Variants in TDRD1 observed in about 807,000 individuals in gnomAD.
TDRD1 encodes tudor domain-containing protein 1.
A neutral mutation model predicts 140.6 loss-of-function variants in TDRD1; 37 were observed. The ratio of observed to expected loss-of-function variants is 0.26; its 90% CI spans 0.20 to 0.35. The LOEUF (loss-of-function observed/expected upper bound fraction) is 0.35. TDRD1 is among the 10% of genes least tolerant of loss of function. The pLI is 1.00. For synonymous variants in TDRD1, 506 were observed against 475.7 expected (o/e 1.06, Z -0.83); for missense variants, 1,243 against 1,393.0 (o/e 0.89, Z 1.71).
chr10:114,192,528 C>A (rs2034057947), intron 3 of TDRD1, among the ~76,000 whole-genome samples: 1 of 151,702 alleles, frequency 6.6e-6, no homozygotes, highest in African/African-American at 2.4e-5. Context: ...GGATGGTCTC[C>A]ATCTCCTGAC....
chr10:114,204,971 C>T, intron 10 of TDRD1, 78 bp downstream of exon 10: 1 of 1,317,074 alleles, frequency 7.6e-7, no homozygotes, highest in Non-Finnish European at 1.0e-6. Context: ...ACGGAAACAT[C>T]AAGTGAGGCC....
At chr10:114,224,333 TTTCTGGAACTGTTAGTA>T (rs1213093863) in intron 21 of TDRD1, among the ~76,000 whole-genome samples, 3 of 152,238 alleles carry the variant, frequency 2.0e-5, no homozygotes, top group African/African-American at 7.2e-5. Context: ...TTTTTCCGCC[TTTCTGGAACTGTTAGTA>T]TTCTCACCTG....
chr10:114,184,082 A>G (rs374069848), intron 1 of TDRD1, among the ~76,000 whole-genome samples: 26 of 152,212 alleles, frequency 1.7e-4, no homozygotes, highest in African/African-American at 6.3e-4. Context: ...CAGAAAGAGT[A>G]TATTAATTGA....
intron 3 of TDRD1, among the ~76,000 whole-genome samples, chr10:114,191,338 A>G (rs1261657094): frequency 1.3e-5 from 2 of 152,292 alleles, no homozygotes; most frequent in East Asian, 1.9e-4. Flanking sequence ...AGGGTCCCTT[A>G]TATACCTTGT....
chr10:114,229,346 C>G (rs2036621559), intron 25 of TDRD1, among the ~76,000 whole-genome samples: 1 of 152,112 alleles, frequency 6.6e-6, no homozygotes, highest in Non-Finnish European at 1.5e-5. Context: ...TAAAACATAT[C>G]TTTCATGTGG....
At chr10:114,226,926 T>C in intron 22 of TDRD1, 146 bp from the exon 23 acceptor site, 1 of 577,784 alleles carries the variant, frequency 1.7e-6, no homozygotes, top group South Asian at 2.2e-5. Context: ...AAATTTGTCT[T>C]TTGTAATGCA....
At chr10:114,214,852 C>G (rs1203337442) in intron 16 of TDRD1, among the ~76,000 whole-genome samples, 17 of 151,934 alleles carry the variant, frequency 1.1e-4, no homozygotes, top group Admixed American at 1.1e-3. Flanking sequence ...ATTCTCCTGT[C>G]TCAGCCTCCT....
At chr10:114,223,957 C>T (rs564125805) in intron 21 of TDRD1, among the ~76,000 whole-genome samples, 1 of 152,304 alleles carries the variant, frequency 6.6e-6, no homozygotes. Flanking sequence ...ATCGTTTCAG[C>T]CCTGACCCTG....
chr10:114,220,511 A>G, intron 18 of TDRD1, 57 bp from the exon 19 acceptor site: 1 of 1,385,716 alleles, frequency 7.2e-7, no homozygotes, highest in Admixed American at 1.8e-5. Context: ...GGGTACTACT[A>G]AAGCAAAAAT....
intron 19 of TDRD1, 104 bp downstream of exon 19, chr10:114,220,947 C>A (rs1356262094): frequency 2.0e-5 from 14 of 713,032 alleles, no homozygotes; most frequent in Non-Finnish European, 3.3e-5. Flanking sequence ...TAGAGATATG[C>A]TTTACGGACA....
At chr10:114,228,201 T>G (rs2036551698) in intron 25 of TDRD1, 1 of 1,489,194 alleles carries the variant, frequency 6.7e-7, no homozygotes, top group South Asian at 1.4e-5. Flanking sequence ...ATTGGCAGGA[T>G]AGAGCTAATG....
intron 3 of TDRD1, among the ~76,000 whole-genome samples, chr10:114,197,042 T>G (rs2034413079): frequency 6.6e-6 from 1 of 151,910 alleles, no homozygotes; most frequent in Non-Finnish European, 1.5e-5. Context: ...AGATGGGGTT[T>G]CGCCATGTTG....
chr10:114,205,267 A>G (rs970697348), intron 10 of TDRD1, among the ~76,000 whole-genome samples: 5 of 152,224 alleles, frequency 3.3e-5, no homozygotes, highest in African/African-American at 4.8e-5. Context: ...AGTACATAGT[A>G]GCTAAGCTGT....
At chr10:114,182,330 A>G (rs976026793) in intron 1 of TDRD1, among the ~76,000 whole-genome samples, 7 of 151,024 alleles carry the variant, frequency 4.6e-5, no homozygotes, top group Non-Finnish European at 7.4e-5. Flanking sequence ...GTAGATGTCT[A>G]TTTGCCCTGG....
chr10:114,219,766 A>G lies in TDRD1; in HGVS notation c.2495-802A>G, dbSNP rs546515137. Reference sequence around the variant, plus strand: ...CCACCACGCCCAACTAATTTTTTGTATTTTTAGTAGAGACGGGGTTTCTCC... The same window carrying G: ...CCACCACGCCCAACTAATTTTTTGTGTTTTTAGTAGAGACGGGGTTTCTCC... On this transcript the variant is annotated intron_variant, in intron 18 of 25. Coordinates refer to ENST00000251864, the Ensembl canonical transcript of TDRD1. 1.1e-3 allele frequency among the ~76,000 whole-genome samples: 164 copies of G among 151,804 alleles called. 1 individual carries two copies. The highest frequency in any genetic ancestry group is 3.9e-3 in the African/African-American group (161 of 41,396).
In TDRD1 at chr10:114,213,112, G is replaced by A. The variant is rs1226373841; in HGVS notation, c.1832-234G>A. ...GTAGAGATGTGAGTCTGGCCATGTT[G>A]CCCAGTCTGGTCTCAAATCGGCCTC... On this transcript the variant is annotated intron_variant, in intron 14 of 25. Transcript: ENST00000251864. Among the ~76,000 whole-genome samples the A allele has an allele frequency of 2.0e-5, 3 of 151,948 alleles. No homozygotes were observed. In the East Asian group the frequency reaches 5.8e-4, roughly 29 times the overall value.
At chr10:114,206,362 G>A (rs376157470) in intron 11 of TDRD1, 32 bp downstream of exon 11, 6 of 1,567,370 alleles carry the variant, frequency 3.8e-6, no homozygotes, top group Admixed American at 3.4e-5. Context: ...ACGGTATAGC[G>A]ACTTCAGTTA....
At chr10:114,217,273 A>G (rs77245358) in intron 16 of TDRD1, among the ~76,000 whole-genome samples, 43 of 152,264 alleles carry the variant, frequency 2.8e-4, no homozygotes, top group African/African-American at 9.9e-4. Context: ...TCTCCCTGCA[A>G]AGTTCATGCT....
At chr10:114,188,151 C>G (rs377374397) in exon 2 of TDRD1, 2 of 1,570,512 alleles carry the variant, frequency 1.3e-6, no homozygotes, top group African/African-American at 2.8e-5. Context: ...AAAAAATTGC[C>G]AGCAGGTGAG....
Sources: gnomAD v4.1 joint callset for allele counts (sites outside exome capture counted in the v4.1 genomes callset) on GRCh38, gnomAD v4.1.1 for gene constraint, MANE v1.5 for transcripts, NCBI Gene and HGNC (gene_info 2026-07-23, HGNC 2026-07-21) for gene names.